The following CCDC178 variants were observed in gnomAD, a reference collection of about 807,000 sequenced individuals.
CCDC178 encodes the protein coiled-coil domain containing 178.
A neutral mutation model predicts 117.4 loss-of-function variants in CCDC178; 126 were observed. The observed-to-expected ratio is 1.07, with a 90% confidence interval of 0.93 to 1.24. The LOEUF (loss-of-function observed/expected upper bound fraction) is 1.24. Ranked by LOEUF, CCDC178 falls within the 50% of genes most tolerant of loss-of-function variation. CCDC178 has a pLI of 0.00. For synonymous variants in CCDC178, 283 were observed against 313.4 expected (o/e 0.90, Z 1.02); for missense variants, 1,030 against 986.9 (o/e 1.04, Z -0.59).
rs893343761 is a variant in CCDC178 at position 33,092,688 on chromosome 18, C to T, written c.2388+73G>A. The stretch of plus-strand genomic sequence containing the variant: ...CATCGTCAGATCAGAGGCACCCAAA[C>T]TGACTACTTTTTACTTTTGTAGTGC... On this transcript the variant is annotated intron_variant, in intron 21 of 22. Transcript: ENST00000383096. 4.8e-6 allele frequency: 5 copies of T among 1,045,456 alleles called. No individual in the cohort carries two copies. The African/African-American group carries it at 8.4e-5, about 18-fold the overall frequency. The allele number at this position is 1,045,456 out of a possible 1,614,324, so 64.8% of individuals were successfully genotyped here.
chr18:33,015,408 A>T (rs1364664340), intron 21 of CCDC178, among the ~76,000 whole-genome samples: 1 of 152,056 alleles, frequency 6.6e-6, no homozygotes, highest in Non-Finnish European at 1.5e-5. Context: ...TATTAAAAAT[A>T]CAAACACTTA....
intron 7 of CCDC178, among the ~76,000 whole-genome samples, chr18:33,354,965 T>A (rs1315387789): frequency 6.6e-6 from 1 of 152,200 alleles, no homozygotes; most frequent in Non-Finnish European, 1.5e-5. Flanking sequence ...TTTATATTTG[T>A]TGAAACATCA....
chr18:33,267,215 T>C lies in CCDC178; in HGVS notation c.1259A>G (p.Asp420Gly). 1 of 1,597,564 alleles carries C rather than the reference T, an allele frequency of 6.3e-7. No homozygotes were observed. The highest frequency in any genetic ancestry group is 8.5e-7 in the Non-Finnish European group (1 of 1,175,182). ...AAATCAACTTACTGCAGCATAAAAA[T>C]CATTAACTGCTTCCAGATACTGATT... is the stretch of plus-strand genomic sequence containing the variant. Reference protein sequence around the residue: ...HENQYLEAVNDFYAAKKTWDI... With the variant: ...HENQYLEAVNGFYAAKKTWDI... Residue 420 changes from aspartate (D) to glycine (G), a missense_variant, in exon 13 of 23, where the codon GAT (aspartate) becomes GGT (glycine). Transcript: ENST00000383096.
chr18:33,014,412 C>A (rs2055936527), intron 21 of CCDC178, among the ~76,000 whole-genome samples: 1 of 152,102 alleles, frequency 6.6e-6, no homozygotes, highest in Non-Finnish European at 1.5e-5. Flanking sequence ...AAGAGGCTAA[C>A]TGAAAAACTT....
intron 21 of CCDC178, among the ~76,000 whole-genome samples, chr18:32,996,593 G>C (rs981483189): frequency 1.3e-4 from 20 of 151,868 alleles, no homozygotes; most frequent in African/African-American, 4.6e-4. Context: ...ATGTAAAACT[G>C]CATCTATAAT....
intron 14 of CCDC178, among the ~76,000 whole-genome samples, chr18:33,257,393 T>A (rs2059694044): frequency 6.6e-6 from 1 of 152,080 alleles, no homozygotes; most frequent in Non-Finnish European, 1.5e-5. Context: ...TTTATCCAAC[T>A]CCTTCACTTG....
intron 18 of CCDC178, among the ~76,000 whole-genome samples, 193 bp downstream of exon 18, chr18:33,222,913 G>T (rs1488286638): frequency 6.6e-6 from 1 of 152,042 alleles, no homozygotes; most frequent in African/African-American, 2.4e-5. Flanking sequence ...CAGTGAGGAA[G>T]ATACTGCAAG....
At chr18:33,238,134 A>C (rs758295109) in intron 15 of CCDC178, among the ~76,000 whole-genome samples, 2 of 152,166 alleles carry the variant, frequency 1.3e-5, no homozygotes, top group African/African-American at 2.4e-5. Context: ...TGATACCCCA[A>C]GACTCATCAA....
intron 21 of CCDC178, among the ~76,000 whole-genome samples, chr18:33,058,346 C>A (rs2056864952): frequency 1.3e-5 from 2 of 152,152 alleles, no homozygotes; most frequent in South Asian, 4.1e-4. Context: ...AAAAATGATA[C>A]AACATGGTAA....
At chr18:33,212,215 A>G (rs2059116756) in intron 19 of CCDC178, among the ~76,000 whole-genome samples, 160 bp from the exon 20 acceptor site, 1 of 152,016 alleles carries the variant, frequency 6.6e-6, no homozygotes, top group South Asian at 2.1e-4. Context: ...GTCTACTTCC[A>G]TAGGGCTACA....
intron 21 of CCDC178, among the ~76,000 whole-genome samples, chr18:33,064,252 A>C (rs1387809106): frequency 6.6e-6 from 1 of 152,232 alleles, no homozygotes; most frequent in Non-Finnish European, 1.5e-5. Flanking sequence ...AATAATGTCA[A>C]AGAAACTCAG....
intron 20 of CCDC178, among the ~76,000 whole-genome samples, chr18:33,108,767 A>G (rs1255829344): frequency 3.3e-5 from 5 of 151,714 alleles, no homozygotes; most frequent in African/African-American, 1.2e-4. Flanking sequence ...TGATTAACTA[A>G]TTAGCAAACT....
intron 14 of CCDC178, among the ~76,000 whole-genome samples, chr18:33,260,067 A>ATG (rs2059724021): frequency 6.6e-6 from 1 of 152,084 alleles, no homozygotes; most frequent in African/African-American, 2.4e-5. Context: ...ATATATATAT[A>ATG]TTACACATGG....
chr18:33,132,169 T>C (rs527494651), intron 20 of CCDC178, among the ~76,000 whole-genome samples: 96 of 151,852 alleles, frequency 6.3e-4, no homozygotes, highest in South Asian at 2.1e-3. Context: ...AGTGAGTATA[T>C]TTTTATTGAA....
intron 11 of CCDC178, among the ~76,000 whole-genome samples, chr18:33,308,266 A>G (rs947197220): frequency 1.3e-5 from 2 of 152,248 alleles, no homozygotes; most frequent in Non-Finnish European, 2.9e-5. Flanking sequence ...CACATGAGAC[A>G]TGGAGCCAAA....
intron 11 of CCDC178, among the ~76,000 whole-genome samples, chr18:33,316,886 C>T (rs930866338): frequency 2.6e-5 from 4 of 151,980 alleles, no homozygotes; most frequent in Non-Finnish European, 4.4e-5. Flanking sequence ...TACCAATCGA[C>T]ACTCTGTATC....
chr18:33,380,627 T>C (rs1481785093), intron 5 of CCDC178, among the ~76,000 whole-genome samples: 2 of 152,212 alleles, frequency 1.3e-5, no homozygotes, highest in Admixed American at 1.3e-4. Flanking sequence ...TCCTGTGTAC[T>C]GGAGTTTCAC....
intron 5 of CCDC178, among the ~76,000 whole-genome samples, chr18:33,372,562 G>A (rs192443617): frequency 1.0e-3 from 156 of 152,092 alleles, no homozygotes; most frequent in African/African-American, 3.3e-3. Flanking sequence ...AATTAAGCTC[G>A]GCGAGACTTT....
chr18:33,104,640 T>C (rs1383435313), intron 20 of CCDC178, among the ~76,000 whole-genome samples: 1 of 151,712 alleles, frequency 6.6e-6, no homozygotes, highest in East Asian at 1.9e-4. Context: ...TAAAAATCTC[T>C]GGGGAAATAT....
Sources: allele counts gnomAD v4.1 joint callset (sites outside exome capture counted in the v4.1 genomes callset), GRCh38; gene constraint gnomAD v4.1.1; transcripts MANE v1.5; gene names NCBI Gene and HGNC (gene_info 2026-07-23, HGNC 2026-07-21).